The following ADCK1 variants were observed in gnomAD, a reference collection of about 807,000 sequenced individuals.
The protein encoded by ADCK1 is aarF domain-containing protein kinase 1.
ADCK1 carries 41 observed loss-of-function variants against 52.3 expected under a neutral mutation model. The observed-to-expected ratio is 0.78, with a 90% CI of 0.61 to 1.02. ADCK1 has a LOEUF of 1.02. Among genes scored for constraint, ADCK1 ranks in the 50% least tolerant of loss-of-function variants. The pLI is 0.00. For missense variants in ADCK1, 658 were observed against 679.5 expected, an observed-to-expected ratio of 0.97 and a Z score of 0.35; for synonymous variants, 250 against 274.6, an observed-to-expected ratio of 0.91 and a Z score of 0.89.
At chr14:77,815,868 T>A (rs2081439002) in intron 1 of ADCK1, among the ~76,000 whole-genome samples, 1 of 143,232 alleles carries the variant, frequency 7.0e-6, no homozygotes. Flanking sequence ...CAAGCTGGAG[T>A]GCAGTGGTGC....
rs866739489 is a variant in ADCK1 at position 77,878,348 on chromosome 14, C to T, written c.424-8743C>T. Among the ~76,000 whole-genome samples the T allele has an allele frequency of 3.3e-5, 5 of 152,348 alleles. No homozygotes were observed. The South Asian group carries it at 6.2e-4, about 19-fold the overall frequency. ...TCAAGAGAGGGTTGAGAATTACATA[C>T]GAGCATTTTGAAGGGACCAGACCTT... On this transcript the variant is annotated intron_variant, in intron 4 of 10. Coordinates refer to ENST00000238561, the MANE Select transcript of ADCK1 (RefSeq NM_020421.4).
intron 3 of ADCK1, among the ~76,000 whole-genome samples, chr14:77,843,722 A>T (rs2082120970): frequency 6.6e-6 from 1 of 152,206 alleles, no homozygotes; most frequent in African/African-American, 2.4e-5. Flanking sequence ...GGGATGCTGG[A>T]ACAACTTTCT....
intron 1 of ADCK1, among the ~76,000 whole-genome samples, chr14:77,816,591 CG>C (rs1430313148): frequency 6.6e-6 from 1 of 152,140 alleles, no homozygotes; most frequent in Non-Finnish European, 1.5e-5. Flanking sequence ...GGAAGCTTCA[CG>C]CCCTTTCGCT....
In ADCK1 at chr14:77,878,246, G is replaced by A. The variant is rs79661941; in HGVS notation, c.424-8845G>A. The stretch of plus-strand genomic sequence containing the variant: ...CATATTAGTCACTTAGTAAACATAT[G>A]TTGGATAGATAAATGAGTGATCCAT... On this transcript the variant is annotated intron_variant, in intron 4 of 10. Coordinates refer to ENST00000238561, the MANE Select transcript of ADCK1 (RefSeq NM_020421.4). Among the ~76,000 whole-genome samples the A allele has an allele frequency of 3.9e-5, 6 of 152,342 alleles. No individual in the cohort carries two copies. The East Asian group carries it at 9.7e-4, about 25-fold the overall frequency.
At chr14:77,808,809 C>T (rs150687236) in intron 1 of ADCK1, among the ~76,000 whole-genome samples, 12,374 of 152,222 alleles carry the variant, frequency 0.081, 547 homozygotes, top group Middle Eastern at 0.11. Flanking sequence ...CTCCTGACCT[C>T]AGGTGATCCA....
intron 7 of ADCK1, chr14:77,914,541 T>C (rs558559824): frequency 1.0e-6 from 1 of 985,024 alleles, no homozygotes; most frequent in South Asian, 4.7e-5. Flanking sequence ...GTGAGCAGAG[T>C]GTGGGAGAGG....
At chr14:77,897,770 A>G (rs1473225406) in intron 5 of ADCK1, among the ~76,000 whole-genome samples, 1 of 152,220 alleles carries the variant, frequency 6.6e-6, no homozygotes, top group Non-Finnish European at 1.5e-5. Context: ...CATTCAACTT[A>G]AGAAATAAAG....
At chr14:77,924,288 T>G in intron 7 of ADCK1, 169 bp from the exon 8 acceptor site, 1 of 812,866 alleles carries the variant, frequency 1.2e-6, no homozygotes, top group Non-Finnish European at 1.9e-6. Context: ...TAAGAAATCT[T>G]AAACTCAAAG....
chr14:77,866,211 G>A (rs1402229628), intron 4 of ADCK1, among the ~76,000 whole-genome samples: 3 of 152,166 alleles, frequency 2.0e-5, no homozygotes, highest in Non-Finnish European at 2.9e-5. Flanking sequence ...CTAGGCAATT[G>A]TAACACAATG....
At chr14:77,887,306 A>G in intron 5 of ADCK1, 57 bp downstream of exon 5, 10 of 1,480,126 alleles carry the variant, frequency 6.8e-6, no homozygotes, top group Non-Finnish European at 9.0e-6. Flanking sequence ...CCTGGGATCC[A>G]GGCCACCTAG....
chr14:77,842,916 G>C (rs1389098305), intron 3 of ADCK1, among the ~76,000 whole-genome samples: 2 of 136,970 alleles, frequency 1.5e-5, no homozygotes, highest in African/African-American at 5.6e-5. Context: ...TTAAGACTAG[G>C]TCTTTTTCTG....
intron 4 of ADCK1, among the ~76,000 whole-genome samples, chr14:77,884,116 T>C (rs1334306051): frequency 6.6e-6 from 1 of 152,248 alleles, no homozygotes; most frequent in East Asian, 1.9e-4. Flanking sequence ...TGACACTGGC[T>C]TGGAGACTGG....
chr14:77,838,759 A>G (rs746278557), intron 3 of ADCK1, among the ~76,000 whole-genome samples: 1 of 152,176 alleles, frequency 6.6e-6, no homozygotes, highest in Non-Finnish European at 1.5e-5. Context: ...ATGTTATGGG[A>G]TGAAGGGGGA....
chr14:77,809,257 T>G (rs1300053183), intron 1 of ADCK1, among the ~76,000 whole-genome samples: 2 of 152,084 alleles, frequency 1.3e-5, no homozygotes, highest in Non-Finnish European at 2.9e-5. Flanking sequence ...AGAAGTCAGT[T>G]TGGAATGGAG....
chr14:77,844,947 G>A (rs1008222813), intron 3 of ADCK1, among the ~76,000 whole-genome samples: 1 of 152,226 alleles, frequency 6.6e-6, no homozygotes, highest in Non-Finnish European at 1.5e-5. Flanking sequence ...GATTAGTGAT[G>A]TCTGATGTGT....
At chr14:77,835,974 G>C (rs1419266005) in intron 3 of ADCK1, among the ~76,000 whole-genome samples, 1 of 152,148 alleles carries the variant, frequency 6.6e-6, no homozygotes, top group Non-Finnish European at 1.5e-5. Flanking sequence ...CCTACTAATG[G>C]GTATCTCCAA....
chr14:77,912,171 A>G (rs1450627058), intron 7 of ADCK1, among the ~76,000 whole-genome samples: 1 of 152,068 alleles, frequency 6.6e-6, no homozygotes, highest in African/African-American at 2.4e-5. Flanking sequence ...ATGCCACACT[A>G]TGTTAATTTC....
At chr14:77,927,852 G>T (rs543657174) in intron 9 of ADCK1, among the ~76,000 whole-genome samples, 1 of 152,330 alleles carries the variant, frequency 6.6e-6, no homozygotes, top group East Asian at 1.9e-4. Flanking sequence ...AGATCATCAC[G>T]CAGGGTCTTA....
intron 3 of ADCK1, among the ~76,000 whole-genome samples, chr14:77,858,141 C>T (rs1230371709): frequency 6.6e-6 from 1 of 152,190 alleles, no homozygotes; most frequent in African/African-American, 2.4e-5. Flanking sequence ...TACAGTGACT[C>T]CTCCAGTTAA....
Sources: allele counts gnomAD v4.1 joint callset (sites outside exome capture counted in the v4.1 genomes callset), GRCh38; gene constraint gnomAD v4.1.1; transcripts MANE v1.5; gene names NCBI Gene and HGNC (gene_info 2026-07-23, HGNC 2026-07-21).